GABRA4: variants seen among roughly 807,000 people sequenced by gnomAD.
GABRA4 encodes the protein gamma-aminobutyric acid receptor subunit alpha-4.
GABRA4 carries 12 observed loss-of-function variants against 49.7 expected under a neutral mutation model. The ratio of observed to expected loss-of-function variants is 0.24; its 90% confidence interval spans 0.15 to 0.39. The LOEUF (loss-of-function observed/expected upper bound fraction) is 0.39, where lower values mean the gene tolerates loss of function less well. Ranked by LOEUF, GABRA4 falls within the 10% of genes least tolerant of loss-of-function variation. GABRA4 has a pLI of 1.00. For synonymous variants in GABRA4, 288 were observed against 240.2 expected (o/e 1.20, Z -1.84); for missense variants, 506 against 686.0 (o/e 0.74, Z 2.93).
At chr4:46,957,128 T>A (rs1332490294) in intron 8 of GABRA4, among the ~76,000 whole-genome samples, 1 of 152,138 alleles carries the variant, frequency 6.6e-6, no homozygotes, top group East Asian at 1.9e-4. Context: ...TGACATAACT[T>A]AATCCTTATT....
At chr4:46,978,094 G>A (rs1335154438) in intron 3 of GABRA4, among the ~76,000 whole-genome samples, 2 of 151,964 alleles carry the variant, frequency 1.3e-5, no homozygotes, top group South Asian at 2.1e-4. Flanking sequence ...AATAACTCAA[G>A]GGTTTCAAAT....
intron 2 of GABRA4, among the ~76,000 whole-genome samples, chr4:46,990,137 CAA>C (rs59990067): frequency 0.11 from 16,107 of 152,130 alleles, 924 homozygotes; most frequent in South Asian, 0.19. Flanking sequence ...AACAAACAAA[CAA>C]AACCCATATT....
At chr4:46,956,741 C>A (rs1722381343) in intron 8 of GABRA4, among the ~76,000 whole-genome samples, 1 of 151,896 alleles carries the variant, frequency 6.6e-6, no homozygotes. Context: ...AAAAAAATTG[C>A]CATCAAAGAC....
At chr4:46,956,612 A>G (rs1722375007) in intron 8 of GABRA4, among the ~76,000 whole-genome samples, 1 of 152,024 alleles carries the variant, frequency 6.6e-6, no homozygotes. Flanking sequence ...GCCAAGTCCA[A>G]CTGCTGAAAA....
intron 8 of GABRA4, among the ~76,000 whole-genome samples, chr4:46,957,607 G>C (rs1275514786): frequency 6.6e-6 from 1 of 151,948 alleles, no homozygotes; most frequent in Admixed American, 6.6e-5. Flanking sequence ...ATCTAAACTT[G>C]AATTAATTTG....
At position 46,964,980 on chromosome 4, in the gene GABRA4, G is replaced by T. The variant is rs1722700795; in HGVS notation, c.1124C>A (p.Ala375Asp). The part of the protein sequence containing the change: ...APVQREKHPE[A>D]PLQNTNANLN... ...GATTAAGTCAAATACCTGCAGAGGG[G>T]CTTCAGGATGCTTCTCTCTCTGCAC... The change falls in exon 8 of 9, where the codon GCC becomes GAC. Residue 375 changes from alanine (A) to aspartate (D), a missense_variant. Ala to Asp is a moderately radical substitution (Grantham distance 126). Around this residue, in one of 5 missense-constraint regions of GABRA4, gnomAD observed 243 missense variants for 210.8 expected, o/e 1.15. Transcript: ENST00000264318. The T allele has an allele frequency of 6.3e-7, 1 of 1,599,068 alleles. No individual in the cohort carries two copies. The highest frequency in any genetic ancestry group is 8.5e-7 in the Non-Finnish European group (1 of 1,171,810).
chr4:46,970,767 A>G (rs1358767450), intron 7 of GABRA4, among the ~76,000 whole-genome samples: 1 of 151,552 alleles, frequency 6.6e-6, no homozygotes, highest in East Asian at 1.9e-4. Context: ...ATATAATTTT[A>G]ATTCAATTAC....
chr4:46,938,739 G>A (rs914843005), intron 8 of GABRA4, among the ~76,000 whole-genome samples: 18 of 151,778 alleles, frequency 1.2e-4, no homozygotes, highest in Non-Finnish European at 1.3e-4. Flanking sequence ...TCTCTTGTTG[G>A]AGTTTATTAT....
At chr4:46,983,527 C>G (rs1723428974) in intron 2 of GABRA4, among the ~76,000 whole-genome samples, 1 of 152,090 alleles carries the variant, frequency 6.6e-6, no homozygotes, top group South Asian at 2.1e-4. Flanking sequence ...AACAGAATTA[C>G]TTTCCACAGC....
intron 8 of GABRA4, among the ~76,000 whole-genome samples, chr4:46,934,421 C>T (rs1477010577): frequency 6.6e-6 from 1 of 152,116 alleles, no homozygotes; most frequent in Non-Finnish European, 1.5e-5. Flanking sequence ...TTTAACACAT[C>T]CCCTCCAAAT....
chr4:46,934,452 A>G (rs551309661), intron 8 of GABRA4, among the ~76,000 whole-genome samples: 34 of 152,188 alleles, frequency 2.2e-4, no homozygotes, highest in Non-Finnish European at 3.7e-4. Context: ...AATATTTTAT[A>G]TACCAAGGCA....
chr4:46,979,493 A>G (rs1190017744), intron 2 of GABRA4, among the ~76,000 whole-genome samples: 2 of 152,122 alleles, frequency 1.3e-5, no homozygotes, highest in Non-Finnish European at 2.9e-5. Context: ...AGCAACAAAG[A>G]AGAGAAAAAC....
At chr4:46,931,516 T>G (rs912177531) in intron 8 of GABRA4, among the ~76,000 whole-genome samples, 5 of 152,146 alleles carry the variant, frequency 3.3e-5, no homozygotes, top group African/African-American at 1.2e-4. Flanking sequence ...GCTTCAAAAG[T>G]GACACCAATT....
Position 46,923,388 on chromosome 4 carries a change from C to T in GABRA4, c.*4837G>A, listed in dbSNP as rs1721104376. 1 of 151,996 alleles carries T rather than the reference C, an allele frequency of 6.6e-6. No individual in the cohort carries two copies. Among genetic ancestry groups the T allele is most frequent in the Non-Finnish European group, 1.5e-5 (1 of 67,990 alleles). 9.4% of individuals were successfully genotyped at this position (151,996 alleles called of 1,614,324 possible). A position where few individuals can be genotyped will look rare whatever the true frequency, so the allele number is the denominator to read the frequency against. On this transcript the variant is annotated 3_prime_UTR_variant, in exon 9 of 9. Coordinates refer to ENST00000264318, the MANE Select transcript of GABRA4 (RefSeq NM_000809.4). ...TATTATTTAATGGCAGCATGTATGT[C>T]ATATTGGCTTCTACATTTATAAAAC...
chr4:46,991,112 G>A (rs963122516), intron 2 of GABRA4, among the ~76,000 whole-genome samples: 4 of 152,050 alleles, frequency 2.6e-5, no homozygotes, highest in African/African-American at 9.7e-5. Context: ...CTTGAACCTG[G>A]GAGCCAGGGG....
At chr4:46,940,745 C>T (rs980237661) in intron 8 of GABRA4, among the ~76,000 whole-genome samples, 2 of 151,716 alleles carry the variant, frequency 1.3e-5, no homozygotes, top group African/African-American at 4.8e-5. Context: ...CAACACCCCC[C>T]AAAAAATTGC....
Position 46,927,676 on chromosome 4 carries a change from G to C in GABRA4, c.*549C>G, listed in dbSNP as rs1195872978. ...GATATTTCCTCTGGTCTTTGTCTTAGTTTTTTATGCAGCAGATATTTTACT... is the reference window on the plus strand; with the variant it reads ...GATATTTCCTCTGGTCTTTGTCTTACTTTTTTATGCAGCAGATATTTTACT... On this transcript the variant is annotated 3_prime_UTR_variant, in exon 9 of 9. Coordinates refer to ENST00000264318, the MANE Select transcript of GABRA4 (RefSeq NM_000809.4). 2.0e-5 allele frequency: 3 copies of C among 152,396 alleles called. No individual in the cohort carries two copies. Among genetic ancestry groups the C allele is most frequent in the Non-Finnish European group, 4.4e-5 (3 of 68,086 alleles). 9.4% of individuals were successfully genotyped at this position (152,396 alleles called of 1,614,324 possible).
intron 8 of GABRA4, among the ~76,000 whole-genome samples, chr4:46,959,834 A>ATATG (rs142211586): frequency 0.21 from 28,692 of 139,634 alleles, 3,114 homozygotes; most frequent in East Asian, 0.29. Context: ...ATATATATAT[A>ATATG]TGTGTGTGTG....
intron 8 of GABRA4, among the ~76,000 whole-genome samples, chr4:46,935,528 C>T (rs1039957217): frequency 8.6e-5 from 13 of 151,964 alleles, no homozygotes; most frequent in Admixed American, 7.2e-4. Flanking sequence ...CAATATTATA[C>T]GTCTATGAAA....
Sources: allele counts gnomAD v4.1 joint callset (sites outside exome capture counted in the v4.1 genomes callset), GRCh38; gene constraint gnomAD v4.1.1; regional missense constraint gnomAD v4.1.1; transcripts MANE v1.5; gene names NCBI Gene and HGNC (gene_info 2026-07-23, HGNC 2026-07-21).